RPN1: variants seen among roughly 807,000 people sequenced by gnomAD.
The protein encoded by RPN1 is dolichyl-diphosphooligosaccharide--protein glycosyltransferase subunit 1.
Under a neutral mutation model 55.5 loss-of-function variants are expected in RPN1, and 12 were observed. The ratio of observed to expected loss-of-function variants is 0.22; its 90% CI spans 0.14 to 0.35. The LOEUF is 0.35. Among genes scored for constraint, RPN1 ranks in the 10% least tolerant of loss-of-function variants. The pLI is 1.00. For missense variants in RPN1, 679 were observed against 761.3 expected (o/e 0.89, Z 1.27); for synonymous variants, 317 against 305.9 (o/e 1.04, Z -0.38).
At chr3:128,649,009 A>T (rs2069791778) in intron 1 of RPN1, among the ~76,000 whole-genome samples, 1 of 152,190 alleles carries the variant, frequency 6.6e-6, no homozygotes, top group African/African-American at 2.4e-5. Flanking sequence ...AAATGAGAAT[A>T]TATTTAAAAT....
chr3:128,646,143 A>C (rs1392772496), intron 1 of RPN1, among the ~76,000 whole-genome samples: 2 of 149,434 alleles, frequency 1.3e-5, no homozygotes, highest in African/African-American at 2.5e-5. Context: ...GAATTTCGTG[A>C]ATCTGGGAGA....
intron 9 of RPN1, among the ~76,000 whole-genome samples, chr3:128,621,838 A>G (rs1361141438): frequency 1.3e-5 from 2 of 152,206 alleles, no homozygotes; most frequent in African/African-American, 4.8e-5. Flanking sequence ...TCTAAAGTCT[A>G]GGTTCATTTT....
chr3:128,650,166 G>C (rs2069805365), intron 1 of RPN1, among the ~76,000 whole-genome samples: 1 of 152,248 alleles, frequency 6.6e-6, no homozygotes, highest in Non-Finnish European at 1.5e-5. Flanking sequence ...CGGAAGGGAG[G>C]TGCGTTCTAC....
intron 1 of RPN1, among the ~76,000 whole-genome samples, chr3:128,649,970 G>A (rs1008242260): frequency 1.3e-5 from 2 of 152,338 alleles, no homozygotes; most frequent in East Asian, 3.9e-4. Context: ...TGCGAAACCT[G>A]TTACATTTCT....
chr3:128,626,702 G>T (rs767965290), intron 6 of RPN1, 31 bp downstream of exon 6: 3 of 1,586,068 alleles, frequency 1.9e-6, no homozygotes, highest in Non-Finnish European at 2.6e-6. Context: ...CAGAGAAATC[G>T]GGTGCAAAGG....
At chr3:128,650,488 A>T in intron 1 of RPN1, 52 bp downstream of exon 1, 9 of 1,481,542 alleles carry the variant, frequency 6.1e-6, no homozygotes, top group Non-Finnish European at 8.1e-6. Flanking sequence ...ACCGCCAGGA[A>T]GGGAGGCGGG....
Position 128,632,033 on chromosome 3 carries a change from G to A in RPN1, c.758C>T (p.Thr253Ile). ...GAAAGGCCCCTTAAGCACAGCTCCT[G>A]TGTGCTTTAAGTCCACATTTTCTTC... ...AVEENVDLKH[T>I]GAVLKGPFSR... Residue 253 changes from threonine to isoleucine, a missense_variant, in exon 4 of 10, where the codon ACA becomes ATA. Coordinates refer to ENST00000296255, the MANE Select transcript of RPN1 (RefSeq NM_002950.4). The A allele has an allele frequency of 2.5e-6, 4 of 1,614,160 alleles. No homozygotes were observed. Among genetic ancestry groups the A allele is most frequent in the Non-Finnish European group, 3.4e-6 (4 of 1,180,028 alleles).
Position 128,620,058 on chromosome 3 carries a change from C to T in RPN1, c.*353G>A, listed in dbSNP as rs1290305634. The T allele has an allele frequency of 1.4e-5, 3 of 216,678 alleles. No homozygotes were observed. Among genetic ancestry groups the T allele is most frequent in the Non-Finnish European group, 2.7e-5 (3 of 110,696 alleles). 13.4% of individuals were successfully genotyped at this position (216,678 alleles called of 1,614,324 possible). A position where few individuals can be genotyped will look rare whatever the true frequency, so the allele number is the denominator to read the frequency against. ...CACATGCACTCACACAATACCCAAACATCAGAATTAGAAGGGCATAAAACA... is the reference window on the plus strand; with the variant it reads ...CACATGCACTCACACAATACCCAAATATCAGAATTAGAAGGGCATAAAACA... On this transcript the variant is annotated 3_prime_UTR_variant, in exon 10 of 10. Coordinates refer to ENST00000296255, the MANE Select transcript of RPN1 (RefSeq NM_002950.4).
chr3:128,646,222 C>CAA (rs397803037), intron 1 of RPN1, among the ~76,000 whole-genome samples: 5,366 of 67,264 alleles, frequency 0.08, 286 homozygotes, highest in African/African-American at 0.11. Flanking sequence ...GACTCCGTCT[C>CAA]AAAAAAAAAA....
chr3:128,623,758 T>C (rs1293981525), intron 8 of RPN1, among the ~76,000 whole-genome samples: 2 of 152,032 alleles, frequency 1.3e-5, no homozygotes, highest in Non-Finnish European at 2.9e-5. Context: ...TAATGGACAA[T>C]TACATTACCC....
At chr3:128,626,322 A>C (rs2069599806) in intron 6 of RPN1, among the ~76,000 whole-genome samples, 1 of 152,210 alleles carries the variant, frequency 6.6e-6, no homozygotes, top group Admixed American at 6.5e-5. Flanking sequence ...TCTCCTGTAC[A>C]TCCTACCCAG....
chr3:128,623,009 C>G (rs1013708291), intron 8 of RPN1, among the ~76,000 whole-genome samples: 1 of 152,042 alleles, frequency 6.6e-6, no homozygotes, highest in Non-Finnish European at 1.5e-5. Context: ...TATATTACAG[C>G]AGTCTTGCCC....
rs760677603 is a variant in RPN1 at position 128,620,304 on chromosome 3, G to A, written c.*107C>T. 2 of 1,012,842 alleles carry A rather than the reference G, an allele frequency of 2.0e-6. No homozygotes were observed. Among genetic ancestry groups the A allele is most frequent in the Non-Finnish European group, 2.8e-6 (2 of 715,158 alleles). The allele number at this position is 1,012,842 out of a possible 1,614,324, so 62.7% of individuals were successfully genotyped here. A position where few individuals can be genotyped will look rare whatever the true frequency, so the allele number is the denominator to read the frequency against. ...TTCTCTTCCTTGAAGGCCTTTTACA[G>A]ATGTCAGCTTTCACTGGCCTCCATG... is the stretch of plus-strand genomic sequence containing the variant. On this transcript the variant is annotated 3_prime_UTR_variant, in exon 10 of 10. Transcript: ENST00000296255.
At position 128,626,783 on chromosome 3, in the gene RPN1, T is replaced by TTCA. The variant is rs773888879; in HGVS notation, c.1083_1085dup (p.Asp361dup). On this transcript the variant is annotated inframe_insertion, in exon 6 of 10. Transcript: ENST00000296255. Reference sequence around the variant, plus strand: ...TCACAGTCAGAGAATCTATCACTTGTTCATCAAACACATGGTCCACAAACC... The same window carrying TTCA: ...TCACAGTCAGAGAATCTATCACTTGTTCATCATCAAACACATGGTCCACAAACC... 6.2e-7 allele frequency: 1 copy of TTCA among 1,614,134 alleles called. No individual in the cohort carries two copies. The highest frequency in any genetic ancestry group is 1.7e-5 in the Admixed American group (1 of 60,024).
chr3:128,634,638 C>T (rs147887887), intron 3 of RPN1, among the ~76,000 whole-genome samples: 60 of 151,104 alleles, frequency 4.0e-4, no homozygotes, highest in Middle Eastern at 3.4e-3. Context: ...TCTTGGCTCA[C>T]TGCAACTTCC....
chr3:128,637,667 A>ATG lies in RPN1; in HGVS notation c.633+131_633+132insCA. On this transcript the variant is annotated intron_variant, in intron 3 of 9. Coordinates refer to ENST00000296255, the MANE Select transcript of RPN1 (RefSeq NM_002950.4). Reference sequence around the variant, plus strand: ...GGAGTCATTTCACTGCAGGTTAAACACTTTTGGGATGACCTTAGAAATGAC... The same window carrying ATG: ...GGAGTCATTTCACTGCAGGTTAAACATGCTTTTGGGATGACCTTAGAAATGAC... 3 of 897,236 alleles carry ATG rather than the reference A, an allele frequency of 3.3e-6. No homozygotes were observed. The South Asian group carries it at 4.9e-5, about 15-fold the overall frequency. The allele number at this position is 897,236 out of a possible 1,614,324, so 55.6% of individuals were successfully genotyped here. A position where few individuals can be genotyped will look rare whatever the true frequency, so the allele number is the denominator to read the frequency against.
intron 6 of RPN1, 46 bp from the exon 7 acceptor site, chr3:128,626,058 A>C: frequency 6.5e-7 from 1 of 1,539,898 alleles, no homozygotes. Context: ...CAACTACATC[A>C]ATAAACCAGA....
At position 128,626,780 on chromosome 3, in the gene RPN1, T is replaced by C. The variant is rs2069602691; in HGVS notation, c.1089A>G (p.Gln363=). 1 of 1,614,152 alleles carries C rather than the reference T, an allele frequency of 6.2e-7. No homozygotes were observed. The highest frequency in any genetic ancestry group is 8.5e-7 in the Non-Finnish European group (1 of 1,180,030). Residue 363 remains glutamine (Q), a synonymous_variant, in exon 6 of 10, where the codon CAA becomes CAG. Coordinates refer to ENST00000296255, the MANE Select transcript of RPN1 (RefSeq NM_002950.4). ...TCTTCACAGTCAGAGAATCTATCAC[T>C]TGTTCATCAAACACATGGTCCACAA... The part of the protein sequence containing the change: ...MRFVDHVFDE[Q]VIDSLTVKII...
intron 3 of RPN1, among the ~76,000 whole-genome samples, chr3:128,634,356 A>G (rs1192295906): frequency 1.3e-5 from 2 of 152,004 alleles, no homozygotes; most frequent in Non-Finnish European, 2.9e-5. Context: ...TGACAAAGGT[A>G]ATGTAGTAAT....
Sources: allele counts gnomAD v4.1 joint callset (sites outside exome capture counted in the v4.1 genomes callset), GRCh38; gene constraint gnomAD v4.1.1; transcripts MANE v1.5; gene names NCBI Gene and HGNC (gene_info 2026-07-23, HGNC 2026-07-21).